The following HIVEP3 variants were observed in gnomAD, a reference collection of about 807,000 sequenced individuals.
The protein encoded by HIVEP3 is transcription factor HIVEP3.
In HIVEP3, 49 loss-of-function variants were observed where a neutral mutation model predicts 152.8. That is an observed-to-expected ratio of 0.32 (90% CI 0.26 to 0.41). The LOEUF (loss-of-function observed/expected upper bound fraction) is 0.41. HIVEP3 is among the 10% of genes least tolerant of loss of function. HIVEP3 has a pLI of 1.00. For synonymous variants in HIVEP3, 1,269 were observed against 1,289.0 expected (o/e 0.98, Z 0.33); for missense variants, 2,790 against 3,103.3 (o/e 0.90, Z 2.40).
intron 1 of HIVEP3, among the ~76,000 whole-genome samples, chr1:41,705,478 C>T (rs568727446): frequency 6.6e-6 from 1 of 152,204 alleles, no homozygotes; most frequent in African/African-American, 2.4e-5. Context: ...AACCCAGAAA[C>T]ATGTTTGCTT....
At chr1:41,587,964 C>A (rs920189098) in intron 3 of HIVEP3, among the ~76,000 whole-genome samples, 2 of 152,192 alleles carry the variant, frequency 1.3e-5, no homozygotes, top group Admixed American at 1.3e-4. Context: ...AGCATCTGAA[C>A]AATAGAGTTG....
At chr1:41,942,306 T>C (rs1187906908) in intron 1 of HIVEP3, among the ~76,000 whole-genome samples, 1 of 152,200 alleles carries the variant, frequency 6.6e-6, no homozygotes, top group Non-Finnish European at 1.5e-5. Context: ...TTTCATCCTT[T>C]TACTCTTCTC....
At chr1:41,723,827 G>T (rs1168205723) in intron 1 of HIVEP3, among the ~76,000 whole-genome samples, 2 of 152,206 alleles carry the variant, frequency 1.3e-5, no homozygotes, top group African/African-American at 4.8e-5. Flanking sequence ...TCAGGGTTAG[G>T]ATTAGGGTTA....
chr1:41,762,692 C>T (rs1340665389), intron 1 of HIVEP3, among the ~76,000 whole-genome samples: 1 of 152,262 alleles, frequency 6.6e-6, no homozygotes, highest in Admixed American at 6.5e-5. Context: ...TGCTTGCTCA[C>T]ACACCCACTT....
intron 1 of HIVEP3, among the ~76,000 whole-genome samples, chr1:41,728,877 A>G (rs1646796612): frequency 6.6e-6 from 1 of 152,180 alleles, no homozygotes; most frequent in Admixed American, 6.5e-5. Context: ...AGAGAGGTTT[A>G]GGAGGGGGTT....
At chr1:42,033,080 C>G (rs1645622185) in intron 1 of HIVEP3, among the ~76,000 whole-genome samples, 1 of 152,092 alleles carries the variant, frequency 6.6e-6, no homozygotes, top group African/African-American at 2.4e-5. Context: ...GATTTATCCA[C>G]TGGATACATG....
At chr1:41,921,469 C>A (rs758637938), upstream of HIVEP3, among the ~76,000 whole-genome samples, 2 of 152,188 alleles carry the variant, frequency 1.3e-5, no homozygotes, top group Non-Finnish European at 2.9e-5. Flanking sequence ...CTCTTGCCTG[C>A]CACCATGTAA....
chr1:41,860,063 A>G (rs1439439964), intron 1 of HIVEP3, among the ~76,000 whole-genome samples: 1 of 152,166 alleles, frequency 6.6e-6, no homozygotes, highest in Non-Finnish European at 1.5e-5. Flanking sequence ...TAGCAGGCAA[A>G]CCTCAAAGAA....
At chr1:41,632,631 C>T (rs1205459083) in intron 2 of HIVEP3, among the ~76,000 whole-genome samples, 1 of 152,078 alleles carries the variant, frequency 6.6e-6, no homozygotes, top group Non-Finnish European at 1.5e-5. Flanking sequence ...TGGCACATGC[C>T]TGCAGTCTCA....
rs537265024 is a variant in HIVEP3 at position 41,973,196 on chromosome 1, A to G, written n.120-54672T>C. On this transcript the variant is annotated intron_variant and non_coding_transcript_variant, in intron 1 of 3. Coordinates refer to the HIVEP3 transcript ENST00000489103. ...GTGTATATAAGTTATCTATTGCTGA[A>G]TAAGAAATTACTCCCAACAACACAC... is the stretch of plus-strand genomic sequence containing the variant. Among the ~76,000 whole-genome samples, 4 of 152,348 alleles carry G rather than the reference A, an allele frequency of 2.6e-5. No homozygotes were observed. In the South Asian group the frequency reaches 8.3e-4, roughly 32 times the overall value.
At chr1:41,821,160 G>A (rs1208609806) in intron 1 of HIVEP3, among the ~76,000 whole-genome samples, 2 of 152,144 alleles carry the variant, frequency 1.3e-5, no homozygotes, top group African/African-American at 4.8e-5. Context: ...CTCCCCAGTT[G>A]TGGTCTGGCT....
At chr1:41,544,691 T>TACCACCACCACC (rs1643629360) in intron 5 of HIVEP3, among the ~76,000 whole-genome samples, 9 of 66,094 alleles carry the variant, frequency 1.4e-4, no homozygotes, top group African/African-American at 6.0e-4. Flanking sequence ...CTACCACCAC[T>TACCACCACCACC]GCTACCATCA....
At chr1:41,711,976 G>A in intron 1 of HIVEP3, among the ~76,000 whole-genome samples, 1 of 152,230 alleles carries the variant, frequency 6.6e-6, no homozygotes, top group East Asian at 1.9e-4. Context: ...AGGTGCAGGT[G>A]CAGAAACGCC....
intron 5 of HIVEP3, among the ~76,000 whole-genome samples, chr1:41,555,150 C>T (rs376401232): frequency 2.6e-5 from 4 of 152,212 alleles, no homozygotes; most frequent in South Asian, 4.1e-4. Flanking sequence ...TGGACTCCAC[C>T]CAGTTTGAGC....
intron 2 of HIVEP3, among the ~76,000 whole-genome samples, chr1:41,670,435 T>G (rs1447650575): frequency 6.6e-6 from 1 of 152,126 alleles, no homozygotes; most frequent in Non-Finnish European, 1.5e-5. Flanking sequence ...CCTGAATTCA[T>G]GCACTCTGTA....
chr1:41,576,580 A>G (rs901246704), intron 4 of HIVEP3, among the ~76,000 whole-genome samples: 1 of 152,210 alleles, frequency 6.6e-6, no homozygotes, highest in Non-Finnish European at 1.5e-5. Context: ...AGGTCATGAA[A>G]AACCATGCTG....
intron 5 of HIVEP3, among the ~76,000 whole-genome samples, chr1:41,567,581 G>A (rs1157905035): frequency 6.6e-6 from 1 of 152,158 alleles, no homozygotes; most frequent in East Asian, 1.9e-4. Flanking sequence ...GATAAGGCAG[G>A]GCCCTGATAG....
At chr1:41,949,926 G>C (rs1457904966) in intron 1 of HIVEP3, among the ~76,000 whole-genome samples, 2 of 152,144 alleles carry the variant, frequency 1.3e-5, no homozygotes, top group Non-Finnish European at 2.9e-5. Context: ...AGTTCAGCAG[G>C]AAGCAGTTAG....
chr1:41,615,815 CTTTTTTTTTTTTTTT>C (rs747478470), intron 3 of HIVEP3, among the ~76,000 whole-genome samples: 10 of 47,026 alleles, frequency 2.1e-4, no homozygotes, highest in South Asian at 8.7e-4. Context: ...TTTGACAAGT[CTTTTTTTTTTTTTTT>C]TTTTTTTTTT....
Sources: gnomAD v4.1 joint callset for allele counts (sites outside exome capture counted in the v4.1 genomes callset) on GRCh38, gnomAD v4.1.1 for gene constraint, MANE v1.5 for transcripts, NCBI Gene and HGNC (gene_info 2026-07-23, HGNC 2026-07-21) for gene names.